Variants in FOCAD observed in about 807,000 individuals in gnomAD.
The protein encoded by FOCAD is focadhesin.
Under a neutral mutation model 225.6 loss-of-function variants are expected in FOCAD, and 198 were observed. The ratio of observed to expected loss-of-function variants is 0.88; its 90% CI spans 0.78 to 0.99. FOCAD has a LOEUF of 0.99. Among genes scored for constraint, FOCAD ranks in the 50% least tolerant of loss-of-function variants. FOCAD has a pLI of 0.00. For missense variants in FOCAD, 2,713 were observed against 2,123.6 expected, an observed-to-expected ratio of 1.28 and a Z score of -5.46; for synonymous variants, 897 against 755.0, an observed-to-expected ratio of 1.19 and a Z score of -3.08.
intron 23 of FOCAD, among the ~76,000 whole-genome samples, chr9:20,916,381 T>C (rs1237499393): frequency 6.6e-6 from 1 of 152,196 alleles, no homozygotes; most frequent in Admixed American, 6.5e-5. Context: ...AGTTTGAAAT[T>C]GCATTTTCTA....
intron 29 of FOCAD, among the ~76,000 whole-genome samples, chr9:20,945,221 TAGAGA>T (rs1340765601): frequency 1.4e-5 from 2 of 140,148 alleles, no homozygotes. Flanking sequence ...TTACCACACT[TAGAGA>T]AAAGTTTTTT....
intron 2 of FOCAD, among the ~76,000 whole-genome samples, chr9:20,669,560 A>G (rs1039902964): frequency 2.6e-5 from 4 of 152,174 alleles, no homozygotes; most frequent in Non-Finnish European, 5.9e-5. Flanking sequence ...AGATCACTTG[A>G]GATCAGGAGT....
At chr9:20,715,937 C>G (rs112148663) in intron 2 of FOCAD, among the ~76,000 whole-genome samples, 26 of 152,140 alleles carry the variant, frequency 1.7e-4, no homozygotes, top group Non-Finnish European at 1.6e-4. Flanking sequence ...TCTGGGTAGC[C>G]TTTAGCTAAC....
chr9:20,770,179 A>G lies in FOCAD; in HGVS notation c.847A>G (p.Thr283Ala). 1.2e-6 allele frequency: 2 copies of G among 1,614,124 alleles called. No individual in the cohort carries two copies. Among genetic ancestry groups the G allele is most frequent in the Non-Finnish European group, 8.5e-7 (1 of 1,180,008 alleles). Residue 283 changes from threonine (T) to alanine (A), a missense_variant, in exon 8 of 44, where the codon ACT becomes GCT. Thr to Ala is a moderately conservative substitution (Grantham distance 58, BLOSUM62 0). Transcript: ENST00000338382. ...LCVSEVSLKI[T>A]GECSSSIHLL... ...TGTCAGTGAAGTCAGCTTAAAGATA[A>G]CTGGTGAATGTTCATCTTCAATTCA... is the stretch of plus-strand genomic sequence containing the variant.
chr9:20,976,881 C>T (rs1728483163), intron 36 of FOCAD, among the ~76,000 whole-genome samples: 1 of 152,122 alleles, frequency 6.6e-6, no homozygotes, highest in Admixed American at 6.5e-5. Context: ...TCGAGAAGTA[C>T]CATGTGGGAT....
chr9:20,962,073 G>A (rs546838241), intron 35 of FOCAD, among the ~76,000 whole-genome samples: 30 of 152,168 alleles, frequency 2.0e-4, no homozygotes, highest in Admixed American at 1.4e-3. Context: ...TGGACTTAGT[G>A]TAGAAAAAAA....
intron 11 of FOCAD, among the ~76,000 whole-genome samples, chr9:20,795,129 G>A (rs1378693492): frequency 6.6e-6 from 1 of 152,162 alleles, no homozygotes; most frequent in African/African-American, 2.4e-5. Context: ...GTTGTAATAT[G>A]ATAGTGTGAA....
chr9:20,706,759 C>G (rs753087974), intron 1 of FOCAD, among the ~76,000 whole-genome samples: 1 of 152,190 alleles, frequency 6.6e-6, no homozygotes, highest in Non-Finnish European at 1.5e-5. Context: ...AAGGAGACCC[C>G]AAAATGAAAT....
At chr9:20,721,978 T>TC (rs1290253783) in intron 4 of FOCAD, among the ~76,000 whole-genome samples, 1,560 of 31,026 alleles carry the variant, frequency 0.05, 196 homozygotes, top group African/African-American at 0.13. Flanking sequence ...TTTTCTCCCC[T>TC]CCTTCCCTCC....
chr9:20,799,827 G>C lies in FOCAD; in HGVS notation c.1455+10219G>C, dbSNP rs143378146. 8.2e-3 allele frequency among the ~76,000 whole-genome samples: 1,247 copies of C among 152,144 alleles called. 11 individuals carry two copies. Among genetic ancestry groups the C allele is most frequent in the Non-Finnish European group, 0.014 (952 of 68,010 alleles). ...ATTTGCCACTCTGTGTCTTTTAATTGGAGCATTTAGCCCATTTACATTTAA... is the reference window on the plus strand; with the variant it reads ...ATTTGCCACTCTGTGTCTTTTAATTCGAGCATTTAGCCCATTTACATTTAA... On this transcript the variant is annotated intron_variant, in intron 11 of 43. Coordinates refer to ENST00000338382, the MANE Select transcript of FOCAD (RefSeq NM_001375567.1).
intron 11 of FOCAD, among the ~76,000 whole-genome samples, chr9:20,809,396 G>C (rs991549786): frequency 1.3e-5 from 2 of 151,956 alleles, no homozygotes; most frequent in African/African-American, 4.8e-5. Context: ...AGTTTTAATC[G>C]TATTTAATTT....
At chr9:20,934,392 G>A (rs1368532787) in intron 28 of FOCAD, among the ~76,000 whole-genome samples, 1 of 152,094 alleles carries the variant, frequency 6.6e-6, no homozygotes, top group East Asian at 1.9e-4. Flanking sequence ...GATAAGGTGA[G>A]AGCTGAGGAT....
intron 15 of FOCAD, among the ~76,000 whole-genome samples, chr9:20,835,979 C>T (rs1019610028): frequency 6.6e-6 from 1 of 152,056 alleles, no homozygotes; most frequent in Non-Finnish European, 1.5e-5. Context: ...GCAGTGATTT[C>T]CCCGGAAATA....
intron 2 of FOCAD, among the ~76,000 whole-genome samples, chr9:20,665,955 C>T (rs961977480): frequency 6.6e-5 from 10 of 152,054 alleles, no homozygotes; most frequent in South Asian, 2.1e-4. Context: ...AGTGCAATGG[C>T]GTGGTCTCAG....
chr9:20,875,567 C>G (rs1359095086), intron 19 of FOCAD: 1 of 145,170 alleles, frequency 6.9e-6, no homozygotes, highest in East Asian at 2.0e-4. Flanking sequence ...GCATTCCAGC[C>G]TAGGTGACAG....
At chr9:20,813,651 G>A (rs543409862) in intron 11 of FOCAD, among the ~76,000 whole-genome samples, 11 of 152,290 alleles carry the variant, frequency 7.2e-5, no homozygotes, top group Admixed American at 1.3e-4. Context: ...GATCTCACAC[G>A]TGGTCCATCC....
intron 39 of FOCAD, 55 bp from the exon 40 acceptor site, chr9:20,986,233 A>G (rs1587790771): frequency 1.5e-6 from 2 of 1,375,814 alleles, no homozygotes; most frequent in Non-Finnish European, 9.4e-7. Context: ...GAAATTCTGT[A>G]GCTACTTCAG....
intron 39 of FOCAD, among the ~76,000 whole-genome samples, chr9:20,984,992 G>A (rs947653458): frequency 1.3e-5 from 2 of 152,086 alleles, no homozygotes; most frequent in African/African-American, 4.8e-5. Flanking sequence ...GTAGAGACAG[G>A]GTTTTACCAT....
chr9:20,842,126 G>GT (rs1826594862), intron 15 of FOCAD, among the ~76,000 whole-genome samples: 4 of 97,318 alleles, frequency 4.1e-5, no homozygotes, highest in Non-Finnish European at 6.8e-5. Flanking sequence ...TACTTTACAT[G>GT]ATTTTTTTTT....
Sources: gnomAD v4.1 joint callset for allele counts (sites outside exome capture counted in the v4.1 genomes callset) on GRCh38, gnomAD v4.1.1 for gene constraint, MANE v1.5 for transcripts, NCBI Gene and HGNC (gene_info 2026-07-23, HGNC 2026-07-21) for gene names.